The following GRSF1 variants were observed in gnomAD, a reference collection of about 807,000 sequenced individuals.
The protein encoded by GRSF1 is G-rich RNA sequence binding factor 1, also known as G-rich sequence factor 1.
Under a neutral mutation model 51.1 loss-of-function variants are expected in GRSF1, and 50 were observed. The ratio of observed to expected loss-of-function variants is 0.98; its 90% CI spans 0.78 to 1.24. GRSF1 has a LOEUF of 1.24. Ranked by LOEUF, GRSF1 falls within the 50% of genes most tolerant of loss-of-function variation. The probability of loss-of-function intolerance (pLI) is 0.00; values close to 1 mark genes in which losing one functional copy is unlikely to be tolerated. For missense variants in GRSF1, 700 were observed against 639.7 expected (o/e 1.09, Z -1.02); for synonymous variants, 293 against 253.3 (o/e 1.16, Z -1.49).
intron 1 of GRSF1, chr4:70,839,233 C>T (rs1734356061): frequency 6.8e-7 from 1 of 1,460,430 alleles, no homozygotes; most frequent in Non-Finnish European, 9.1e-7. Flanking sequence ...CTTACACTGC[C>T]CAACCGACCA....
chr4:70,831,433 T>G, intron 5 of GRSF1, 106 bp downstream of exon 5: 1 of 995,558 alleles, frequency 1.0e-6, no homozygotes, highest in Non-Finnish European at 1.5e-6. Flanking sequence ...TACACTACTC[T>G]CTCTACTTTT....
intron 5 of GRSF1, among the ~76,000 whole-genome samples, chr4:70,829,480 C>A (rs1358167469): frequency 6.6e-6 from 1 of 151,844 alleles, no homozygotes; most frequent in East Asian, 1.9e-4. Flanking sequence ...ACATGCAAAA[C>A]CCCGTCTCTA....
intron 2 of GRSF1, among the ~76,000 whole-genome samples, chr4:70,834,011 GC>G (rs574126560): frequency 1.3e-5 from 2 of 152,274 alleles, no homozygotes; most frequent in South Asian, 4.1e-4. Context: ...TGTAATCCCA[GC>G]CCTTTGGGAG....
In GRSF1 at chr4:70,818,950, C is replaced by T. The variant is rs139338858; in HGVS notation, c.*1937G>A. 74 of 152,232 alleles carry T rather than the reference C, an allele frequency of 4.9e-4. 1 individual carries two copies. The highest frequency in any genetic ancestry group is 1.7e-3 in the African/African-American group (71 of 41,552). 9.4% of individuals were successfully genotyped at this position (152,232 alleles called of 1,614,324 possible). On this transcript the variant is annotated 3_prime_UTR_variant, in exon 10 of 10. Coordinates refer to ENST00000254799, the MANE Select transcript of GRSF1 (RefSeq NM_002092.4). ...CTGTATTATGTGCTTCTCTTCCTTT[C>T]CCATAACTACATCCACCTTAGCAAT...
chr4:70,835,352 C>A, intron 2 of GRSF1, among the ~76,000 whole-genome samples: 1 of 149,668 alleles, frequency 6.7e-6, no homozygotes. Flanking sequence ...ATGGTGTGAA[C>A]CCGGGAGGCG....
At chr4:70,828,309 A>T (rs998544947) in intron 5 of GRSF1, among the ~76,000 whole-genome samples, 4 of 152,188 alleles carry the variant, frequency 2.6e-5, no homozygotes, top group East Asian at 1.9e-4. Context: ...GCTTCATGAG[A>T]ACAACTATGC....
At chr4:70,831,818 G>T in intron 4 of GRSF1, 144 bp from the exon 5 acceptor site, 1 of 629,948 alleles carries the variant, frequency 1.6e-6, no homozygotes, top group Non-Finnish European at 2.6e-6. Context: ...AAATTATTAT[G>T]CAGTCAAAAG....
At chr4:70,831,317 T>C (rs1024820260) in intron 5 of GRSF1, among the ~76,000 whole-genome samples, 11 of 151,250 alleles carry the variant, frequency 7.3e-5, no homozygotes, top group South Asian at 6.3e-4. Flanking sequence ...ATCGTGCCAT[T>C]GCACTCTAGC....
At position 70,820,674 on chromosome 4, in the gene GRSF1, G is replaced by A. The variant is rs111515743; in HGVS notation, c.*213C>T. The A allele has an allele frequency of 9.0e-4, 138 of 152,554 alleles. No individual in the cohort carries two copies. The highest frequency in any genetic ancestry group is 3.3e-3 in the African/African-American group (136 of 41,530). The allele number at this position is 152,554 out of a possible 1,614,324, so 9.5% of individuals were successfully genotyped here. ...ACAGTTTAAACAAAAATTTTAATTT[G>A]TGGTTTATTTCATAATCCCAAACTG... On this transcript the variant is annotated 3_prime_UTR_variant, in exon 10 of 10. Transcript: ENST00000254799.
In GRSF1 at chr4:70,839,400, G is replaced by GAGGGGCGC. The variant is rs1037485235; in HGVS notation, c.357+63_357+70dup. Reference sequence around the variant, plus strand: ...CCCGCGAGGCGCACACGGAGGGACGGAGGGGCGCGGGGGCGCGTGCACGCG... The same window carrying GAGGGGCGC: ...CCCGCGAGGCGCACACGGAGGGACGGAGGGGCGCAGGGGCGCGGGGGCGCGTGCACGCG... On this transcript the variant is annotated intron_variant, in intron 1 of 9. Coordinates refer to ENST00000254799, the MANE Select transcript of GRSF1 (RefSeq NM_002092.4). The GAGGGGCGC allele has an allele frequency of 2.0e-6, 3 of 1,508,528 alleles. No homozygotes were observed. The African/African-American group carries it at 4.2e-5, about 21-fold the overall frequency. 93.4% of individuals were successfully genotyped at this position (1,508,528 alleles called of 1,614,324 possible).
intron 7 of GRSF1, 130 bp downstream of exon 7, chr4:70,825,993 AG>A: frequency 1.4e-6 from 1 of 739,998 alleles, no homozygotes; most frequent in East Asian, 2.8e-5. Context: ...CTTTGCAACC[AG>A]GAAGATGCCA....
Position 70,825,562 on chromosome 4 carries a change from T to C in GRSF1, c.1258-131A>G, listed in dbSNP as rs900041879. 6.8e-6 allele frequency: 4 copies of C among 586,694 alleles called. No homozygotes were observed. The African/African-American group carries it at 7.5e-5, about 11-fold the overall frequency. The allele number at this position is 586,694 out of a possible 1,614,324, so 36.3% of individuals were successfully genotyped here. A position where few individuals can be genotyped will look rare whatever the true frequency, so the allele number is the denominator to read the frequency against. On this transcript the variant is annotated intron_variant, in intron 7 of 9. Coordinates refer to ENST00000254799, the MANE Select transcript of GRSF1 (RefSeq NM_002092.4). ...TACATTTCTTTTTAGGAAATCTTTTTAAGCAGTAATATATTTATATATCTA... is the reference window on the plus strand; with the variant it reads ...TACATTTCTTTTTAGGAAATCTTTTCAAGCAGTAATATATTTATATATCTA...
chr4:70,841,449 C>A (rs1734456683), upstream of GRSF1, among the ~76,000 whole-genome samples: 1 of 152,120 alleles, frequency 6.6e-6, no homozygotes, highest in Non-Finnish European at 1.5e-5. Flanking sequence ...CAGGACTTGT[C>A]AAAGACAAGC....
At chr4:70,823,362 A>G (rs1037833371) in intron 9 of GRSF1, among the ~76,000 whole-genome samples, 2 of 151,928 alleles carry the variant, frequency 1.3e-5, no homozygotes, top group African/African-American at 4.8e-5. Flanking sequence ...GAGCCATTGC[A>G]CTCCAGCCTG....
In GRSF1 at chr4:70,833,286, G is replaced by A. The variant is rs773876252; in HGVS notation, c.515-13C>T. 16 of 1,607,580 alleles carry A rather than the reference G, an allele frequency of 1.0e-5. No homozygotes were observed. Among genetic ancestry groups the A allele is most frequent in the Middle Eastern group, 1.7e-4 (1 of 6,030 alleles). On this transcript the variant is annotated splice_polypyrimidine_tract_variant and intron_variant, in intron 2 of 9. Transcript: ENST00000254799. ...CGGATTCTGCAGTCTAAAAGTGTAT[G>A]AGCAAAATCAATTGAAAACAGAAAT...
chr4:70,837,103 G>A (rs902452344), intron 1 of GRSF1, among the ~76,000 whole-genome samples: 62 of 152,280 alleles, frequency 4.1e-4, no homozygotes, highest in African/African-American at 1.3e-3. Flanking sequence ...TCTGTCAGCT[G>A]GTATGCCAGA....
intron 1 of GRSF1, among the ~76,000 whole-genome samples, chr4:70,837,819 T>C (rs933659272): frequency 1.3e-5 from 2 of 151,374 alleles, no homozygotes; most frequent in Non-Finnish European, 2.9e-5. Flanking sequence ...TGCATTTTTT[T>C]AGTAGACACG....
At chr4:70,838,412 C>T (rs1333376740) in intron 1 of GRSF1, among the ~76,000 whole-genome samples, 1 of 152,012 alleles carries the variant, frequency 6.6e-6, no homozygotes, top group Non-Finnish European at 1.5e-5. Context: ...CCCATTTTTC[C>T]ATAATTCCAT....
At chr4:70,829,267 T>G (rs1236852047) in intron 5 of GRSF1, among the ~76,000 whole-genome samples, 1 of 152,084 alleles carries the variant, frequency 6.6e-6, no homozygotes, top group Non-Finnish European at 1.5e-5. Context: ...CTATAAAGAT[T>G]AGATGAGCAC....
Sources: allele counts gnomAD v4.1 joint callset (sites outside exome capture counted in the v4.1 genomes callset), GRCh38; gene constraint gnomAD v4.1.1; transcripts MANE v1.5; gene names NCBI Gene and HGNC (gene_info 2026-07-23, HGNC 2026-07-21).